The following BCLAF1 variants were observed in gnomAD, a reference collection of about 807,000 sequenced individuals.
BCLAF1 encodes bcl-2-associated transcription factor 1.
BCLAF1 carries 10 observed loss-of-function variants against 99.5 expected under a neutral mutation model. The ratio of observed to expected loss-of-function variants is 0.10; its 90% CI spans 0.06 to 0.17. The LOEUF is 0.17. BCLAF1 is among the 10% of genes least tolerant of loss of function. The pLI, the probability that BCLAF1 is intolerant of heterozygous loss-of-function variation, is 1.00. For synonymous variants in BCLAF1, 255 were observed against 370.9 expected, an observed-to-expected ratio of 0.69 and a Z score of 3.59; for missense variants, 636 against 1,105.8, an observed-to-expected ratio of 0.58 and a Z score of 6.02.
intron 2 of BCLAF1, among the ~76,000 whole-genome samples, chr6:136,280,863 A>G (rs1784300765): frequency 6.6e-6 from 1 of 152,192 alleles, no homozygotes; most frequent in Non-Finnish European, 1.5e-5. Flanking sequence ...CTATTTCCAA[A>G]TTTACACTAA....
chr6:136,280,459 T>TGC (rs1162886300), intron 2 of BCLAF1, among the ~76,000 whole-genome samples: 2 of 152,184 alleles, frequency 1.3e-5, no homozygotes, highest in Admixed American at 6.5e-5. Flanking sequence ...GCCATGGCTC[T>TGC]GCTCTCAGTA....
rs1170766469 is a variant in BCLAF1, at chr6:136,260,136, C to G, written c.*974G>C. On this transcript the variant is annotated 3_prime_UTR_variant, in exon 13 of 13. Transcript: ENST00000531224. ...AGTATGCTGTGTTTCTCTATTTTTACTAATAGTTACACTACAAACTAATGT... is the reference window on the plus strand; with the variant it reads ...AGTATGCTGTGTTTCTCTATTTTTAGTAATAGTTACACTACAAACTAATGT... The G allele has an allele frequency of 1.3e-5, 2 of 151,984 alleles. No individual in the cohort carries two copies. The highest frequency in any genetic ancestry group is 4.8e-5 in the African/African-American group (2 of 41,420). The allele number at this position is 151,984 out of a possible 1,614,324, so 9.4% of individuals were successfully genotyped here.
chr6:136,260,280 G>A lies in BCLAF1; in HGVS notation c.*830C>T, dbSNP rs534057513. The A allele has an allele frequency of 1.3e-5, 2 of 152,024 alleles. No homozygotes were observed. The highest frequency in any genetic ancestry group is 2.1e-4 in the South Asian group (1 of 4,810). 9.4% of individuals were successfully genotyped at this position (152,024 alleles called of 1,614,324 possible). A position where few individuals can be genotyped will look rare whatever the true frequency, so the allele number is the denominator to read the frequency against. The stretch of plus-strand genomic sequence containing the variant: ...CAGTTTTTCTTCTGTTTAAAACTAG[G>A]ATGTTCAGTAGAAATGGGGTTTCTA... On this transcript the variant is annotated 3_prime_UTR_variant, in exon 13 of 13. Coordinates refer to ENST00000531224, the MANE Select transcript of BCLAF1 (RefSeq NM_014739.3).
intron 6 of BCLAF1, 92 bp downstream of exon 6, chr6:136,275,440 C>T (rs987154180): frequency 2.0e-5 from 25 of 1,263,214 alleles, no homozygotes; most frequent in Non-Finnish European, 2.4e-5. Flanking sequence ...TTTGCTAGCC[C>T]TGGGGTACAT....
Position 136,276,479 on chromosome 6 carries a change from A to G in BCLAF1, c.1046T>C (p.Leu349Pro), listed in dbSNP as rs1257842642. ...ATCCCTGGTATTACCCCTATCAAGC[A>G]GGAATACTCTAGACTCTTCATCTGT... is the stretch of plus-strand genomic sequence containing the variant. ...RFTDEESRVF[L>P]LDRGNTRDKE... Residue 349 changes from leucine (L) to proline (P), a missense_variant, in exon 5 of 13, where the codon CTG becomes CCG. Physicochemically the swap from Leu to Pro is moderately conservative, Grantham distance 98. Transcript: ENST00000531224. 6.4e-7 allele frequency: 1 copy of G among 1,560,102 alleles called. No homozygotes were observed.
At position 136,268,751 on chromosome 6, in the gene BCLAF1, T is replaced by C. The variant is rs576908229; in HGVS notation, c.2220-412A>G. 7.7e-5 allele frequency: 14 copies of C among 182,822 alleles called. No homozygotes were observed. In the East Asian group the frequency reaches 1.8e-3, roughly 23 times the overall value. 11.3% of individuals were successfully genotyped at this position (182,822 alleles called of 1,614,324 possible). A position where few individuals can be genotyped will look rare whatever the true frequency, so the allele number is the denominator to read the frequency against. ...AAAATAGTTGGTATAGTTTGGGCTATAGTACCATTATAGCAAATAAAAAGC... is the reference window on the plus strand; with the variant it reads ...AAAATAGTTGGTATAGTTTGGGCTACAGTACCATTATAGCAAATAAAAAGC... On this transcript the variant is annotated intron_variant, in intron 9 of 12. Transcript: ENST00000531224.
At chr6:136,276,689 A>G (rs1436202234) in intron 4 of BCLAF1, among the ~76,000 whole-genome samples, 181 bp from the exon 5 acceptor site, 1 of 152,218 alleles carries the variant, frequency 6.6e-6, no homozygotes, top group Non-Finnish European at 1.5e-5. Context: ...GAACTTATGT[A>G]CTGACTTTTA....
chr6:136,273,235 G>C (rs768596790), intron 6 of BCLAF1, 48 bp from the exon 7 acceptor site: 1 of 1,523,268 alleles, frequency 6.6e-7, no homozygotes, highest in Non-Finnish European at 9.0e-7. Flanking sequence ...TTTACTTTAA[G>C]AGAGATTTGT....
At chr6:136,279,222 G>A (rs1211466123) in intron 3 of BCLAF1, among the ~76,000 whole-genome samples, 4 of 152,056 alleles carry the variant, frequency 2.6e-5, no homozygotes, top group South Asian at 2.1e-4. Context: ...GTTAAGCCTG[G>A]TGGGGGAAAA....
At position 136,259,043 on chromosome 6, in the gene BCLAF1, A is replaced by C. The variant is rs557368051; in HGVS notation, c.*2067T>G. On this transcript the variant is annotated 3_prime_UTR_variant, in exon 13 of 13. Transcript: ENST00000531224. Reference sequence around the variant, plus strand: ...TTATAATATCGTAAAGCGTGGAGTTAAGATGTGTTTTTAAAAAATATACAG... The same window carrying C: ...TTATAATATCGTAAAGCGTGGAGTTCAGATGTGTTTTTAAAAAATATACAG... The C allele has an allele frequency of 6.6e-6, 1 of 152,474 alleles. No homozygotes were observed. The highest frequency in any genetic ancestry group is 2.1e-4 in the South Asian group (1 of 4,826). 9.4% of individuals were successfully genotyped at this position (152,474 alleles called of 1,614,324 possible).
intron 4 of BCLAF1, among the ~76,000 whole-genome samples, chr6:136,277,129 A>G (rs1783539065): frequency 6.6e-6 from 1 of 152,254 alleles, no homozygotes; most frequent in Non-Finnish European, 1.5e-5. Context: ...AAGTCAAATC[A>G]CAATACATGA....
intron 2 of BCLAF1, among the ~76,000 whole-genome samples, 196 bp downstream of exon 2, chr6:136,282,388 G>C (rs986248250): frequency 2.0e-5 from 3 of 151,922 alleles, no homozygotes; most frequent in Non-Finnish European, 4.4e-5. Context: ...GCACAACCTG[G>C]AAGAAGACAG....
rs181501628 is a variant in BCLAF1 at position 136,259,350 on chromosome 6, A to G, written c.*1760T>C. 4 of 152,174 alleles carry G rather than the reference A, an allele frequency of 2.6e-5. No homozygotes were observed. Among genetic ancestry groups the G allele is most frequent in the Admixed American group, 2.0e-4 (3 of 15,282 alleles). 9.4% of individuals were successfully genotyped at this position (152,174 alleles called of 1,614,324 possible). A position where few individuals can be genotyped will look rare whatever the true frequency, so the allele number is the denominator to read the frequency against. ...GATAAGCACATAGTCATGCACACAG[A>G]TTTGATGTCTAACCAAGTAACTGTT... On this transcript the variant is annotated 3_prime_UTR_variant, in exon 13 of 13. Transcript: ENST00000531224.
At chr6:136,270,599 C>A (rs911878347) in intron 8 of BCLAF1, among the ~76,000 whole-genome samples, 1 of 151,880 alleles carries the variant, frequency 6.6e-6, no homozygotes, top group African/African-American at 2.4e-5. Context: ...AGCAAAAAAA[C>A]CTTCCTATTC....
chr6:136,265,519 A>G (rs1781594569), intron 11 of BCLAF1, among the ~76,000 whole-genome samples: 1 of 152,134 alleles, frequency 6.6e-6, no homozygotes, highest in Admixed American at 6.5e-5. Context: ...TGATTTTTGT[A>G]AACTCTGCTT....
chr6:136,262,529 TGAAAA>T (rs1352841773), intron 11 of BCLAF1, among the ~76,000 whole-genome samples: 2 of 152,126 alleles, frequency 1.3e-5, no homozygotes, highest in Non-Finnish European at 2.9e-5. Flanking sequence ...CTTCATGACT[TGAAAA>T]GTTCAATTAT....
rs1780864683 is a variant in BCLAF1 at position 136,260,830 on chromosome 6, A to G, written c.*280T>C. ...CTGTACTTGACCATATCTTATAGACAAAGCAGAATTACAATGCATGTAACA... is the reference window on the plus strand; with the variant it reads ...CTGTACTTGACCATATCTTATAGACGAAGCAGAATTACAATGCATGTAACA... On this transcript the variant is annotated 3_prime_UTR_variant, in exon 13 of 13. Transcript: ENST00000531224. 4.4e-6 allele frequency: 2 copies of G among 458,878 alleles called. No individual in the cohort carries two copies. The allele number at this position is 458,878 out of a possible 1,614,324, so 28.4% of individuals were successfully genotyped here. A position where few individuals can be genotyped will look rare whatever the true frequency, so the allele number is the denominator to read the frequency against.
Position 136,259,265 on chromosome 6 carries a change from T to C in BCLAF1, c.*1845A>G, listed in dbSNP as rs1430299871. ...AACCTGCCCACAGGAATTAAGTAGT[T>C]TTATTCCCACTCCCTATTACATAAT... On this transcript the variant is annotated 3_prime_UTR_variant, in exon 13 of 13. Transcript: ENST00000531224. 1 of 152,054 alleles carries C rather than the reference T, an allele frequency of 6.6e-6. No individual in the cohort carries two copies. The highest frequency in any genetic ancestry group is 1.5e-5 in the Non-Finnish European group (1 of 67,886). The allele number at this position is 152,054 out of a possible 1,614,324, so 9.4% of individuals were successfully genotyped here.
At chr6:136,268,691 G>A (rs2128472315) in intron 9 of BCLAF1, 1 of 205,820 alleles carries the variant, frequency 4.9e-6, no homozygotes, top group African/African-American at 2.4e-5. Flanking sequence ...TTAAGGCCAA[G>A]TTTCAAAATG....
Sources: allele counts gnomAD v4.1 joint callset (sites outside exome capture counted in the v4.1 genomes callset), GRCh38; gene constraint gnomAD v4.1.1; transcripts MANE v1.5; gene names NCBI Gene and HGNC (gene_info 2026-07-23, HGNC 2026-07-21).